Variants in CCDC171 observed in about 807,000 individuals in gnomAD.
The protein encoded by CCDC171 is coiled-coil domain containing 171.
Under a neutral mutation model 168.2 loss-of-function variants are expected in CCDC171, and 177 were observed. That is an observed-to-expected ratio of 1.05 (90% CI 0.93 to 1.19). CCDC171 has a LOEUF of 1.19. Ranked by LOEUF, CCDC171 falls within the 50% of genes most tolerant of loss-of-function variation. The pLI is 0.00. For missense variants in CCDC171, 1,991 were observed against 1,539.0 expected (o/e 1.29, Z -4.91); for synonymous variants, 687 against 540.8 (o/e 1.27, Z -3.75).
At chr9:15,677,421 T>G (rs2049663873) in intron 9 of CCDC171, among the ~76,000 whole-genome samples, 1 of 152,026 alleles carries the variant, frequency 6.6e-6, no homozygotes, top group Non-Finnish European at 1.5e-5. Flanking sequence ...TTGCTCAGAG[T>G]AAGGTCATGT....
At chr9:16,018,667 A>G (rs80028904) in intron 3 of CCDC171, among the ~76,000 whole-genome samples, 4,073 of 152,350 alleles carry the variant, frequency 0.027, 174 homozygotes, top group African/African-American at 0.092. Context: ...AGAATATAAC[A>G]TGAATGGCAC....
At chr9:15,968,251 A>T (rs1305138386) in intron 25 of CCDC171, among the ~76,000 whole-genome samples, 2 of 152,162 alleles carry the variant, frequency 1.3e-5, no homozygotes, top group Admixed American at 6.6e-5. Context: ...CTAAATTTAG[A>T]TTTACATAAG....
chr9:15,718,480 A>G (rs781687586), intron 11 of CCDC171, among the ~76,000 whole-genome samples: 1 of 152,234 alleles, frequency 6.6e-6, no homozygotes, highest in African/African-American at 2.4e-5. Flanking sequence ...TTGAGCAAAC[A>G]TAGGCAGTCG....
intron 25 of CCDC171, among the ~76,000 whole-genome samples, chr9:15,941,624 G>T (rs1827747854): frequency 6.6e-6 from 1 of 151,962 alleles, no homozygotes; most frequent in Non-Finnish European, 1.5e-5. Flanking sequence ...GTTAAGAAGA[G>T]AGAATTGTGA....
intron 2 of CCDC171, among the ~76,000 whole-genome samples, chr9:15,566,884 G>A (rs1220655730): frequency 6.6e-6 from 1 of 152,112 alleles, no homozygotes; most frequent in Non-Finnish European, 1.5e-5. Context: ...TTGCATGTGC[G>A]TAGCCAGTTG....
At position 15,623,471 on chromosome 9, in the gene CCDC171, G is replaced by GCGCGCGCGCGCGCGCA. The variant is rs1554714834; in HGVS notation, c.822+63_822+64insGCGCGCGCGCACGCGC. ...CGTACAAACTTTCACATATGCGCGCGCGCGCACACACACACACACACACAC... is the reference window on the plus strand; with the variant it reads ...CGTACAAACTTTCACATATGCGCGCGCGCGCGCGCGCGCGCACGCGCACACACACACACACACACAC... On this transcript the variant is annotated intron_variant, in intron 7 of 25. Transcript: ENST00000380701. 6 of 505,420 alleles carry GCGCGCGCGCGCGCGCA rather than the reference G, an allele frequency of 1.2e-5. 1 individual carries two copies. Among genetic ancestry groups the GCGCGCGCGCGCGCGCA allele is most frequent in the Non-Finnish European group, 2.0e-5 (6 of 307,362 alleles). 31.3% of individuals were successfully genotyped at this position (505,420 alleles called of 1,614,324 possible). A position where few individuals can be genotyped will look rare whatever the true frequency, so the allele number is the denominator to read the frequency against.
intron 25 of CCDC171, among the ~76,000 whole-genome samples, chr9:15,930,800 A>G (rs536393963): frequency 4.0e-5 from 6 of 151,796 alleles, no homozygotes; most frequent in Non-Finnish European, 5.9e-5. Flanking sequence ...AGCTAAAACT[A>G]TAAAATTCTT....
At chr9:15,629,331 A>G (rs1217087404) in intron 7 of CCDC171, among the ~76,000 whole-genome samples, 1 of 152,230 alleles carries the variant, frequency 6.6e-6, no homozygotes, top group Non-Finnish European at 1.5e-5. Flanking sequence ...GAAGTGCTTA[A>G]AGGAGGTGAT....
At chr9:16,068,462 C>G in the CCDC171 span, among the ~76,000 whole-genome samples, 2 of 152,220 alleles carry the variant, frequency 1.3e-5, no homozygotes, top group Non-Finnish European at 2.9e-5. Flanking sequence ...TGCACACACA[C>G]GTGCTCACTT....
chr9:15,873,650 C>T (rs866903796), intron 23 of CCDC171, among the ~76,000 whole-genome samples: 75 of 152,012 alleles, frequency 4.9e-4, no homozygotes, highest in South Asian at 1.7e-3. Context: ...TAAATGCAAA[C>T]GAAACTATGG....
chr9:16,091,879 T>A, the CCDC171 span, among the ~76,000 whole-genome samples: 3,402 of 152,298 alleles, frequency 0.022, 100 homozygotes, highest in African/African-American at 0.067. Context: ...ATATCTTTTT[T>A]AAAATTACGA....
intron 24 of CCDC171, among the ~76,000 whole-genome samples, chr9:15,910,401 T>G (rs1003561380): frequency 1.3e-5 from 2 of 152,178 alleles, no homozygotes; most frequent in African/African-American, 4.8e-5. Context: ...ATTCCTCGCT[T>G]CTCCATTCTG....
the CCDC171 span, among the ~76,000 whole-genome samples, chr9:16,102,252 T>A: frequency 6.6e-6 from 1 of 152,186 alleles, no homozygotes; most frequent in South Asian, 2.1e-4. Context: ...GTCCGTGTCC[T>A]GGCCTCCTGG....
At chr9:15,997,600 C>T (rs1429635037) in intron 3 of CCDC171, among the ~76,000 whole-genome samples, 1 of 152,126 alleles carries the variant, frequency 6.6e-6, no homozygotes, top group South Asian at 2.1e-4. Context: ...AGACAAACTA[C>T]AGCCCCTGTT....
chr9:15,947,305 A>G (rs933189665), intron 25 of CCDC171, among the ~76,000 whole-genome samples: 2 of 151,976 alleles, frequency 1.3e-5, no homozygotes, highest in African/African-American at 4.8e-5. Context: ...ACATCACTAA[A>G]TACACTTTTA....
rs763829844 is a variant in CCDC171 at position 15,874,603 on chromosome 9, G to T, written c.3540G>T (p.Leu1180=). 15 of 1,606,652 alleles carry T rather than the reference G, an allele frequency of 9.3e-6. No individual in the cohort carries two copies. The South Asian group carries it at 1.6e-4, about 17-fold the overall frequency. ...RNDFTLQLPK[L]HLETFAMEGL... ...ACTTCACCCTACAGCTACCCAAACTGCACCTGGAGACCTTTGCAATGGAGG... is the reference window on the plus strand; with the variant it reads ...ACTTCACCCTACAGCTACCCAAACTTCACCTGGAGACCTTTGCAATGGAGG... The change falls in exon 24 of 26, where the codon CTG becomes CTT. Residue 1180 remains leucine, a synonymous_variant. Coordinates refer to ENST00000380701, the MANE Select transcript of CCDC171 (RefSeq NM_173550.4).
the CCDC171 span, among the ~76,000 whole-genome samples, chr9:16,096,831 C>T: frequency 2.0e-5 from 3 of 152,126 alleles, no homozygotes; most frequent in Non-Finnish European, 4.4e-5. Context: ...TCACTCTGCC[C>T]ACACTTTGTA....
chr9:15,753,894 A>T (rs2055923097), intron 18 of CCDC171, among the ~76,000 whole-genome samples: 1 of 152,184 alleles, frequency 6.6e-6, no homozygotes, highest in Non-Finnish European at 1.5e-5. Context: ...ATATTATTGG[A>T]CTGACACAAA....
At position 16,002,454 on chromosome 9, in the gene CCDC171, A is replaced by G. The variant is rs1401239439; in HGVS notation, n.369-18135A>G. Among the ~76,000 whole-genome samples the G allele has an allele frequency of 2.6e-5, 4 of 152,120 alleles. 1 individual carries two copies. Among genetic ancestry groups the G allele is most frequent in the Non-Finnish European group, 5.9e-5 (4 of 68,028 alleles). On this transcript the variant is annotated intron_variant and non_coding_transcript_variant, in intron 3 of 9. Transcript: ENST00000486641. ...TTAAAAATAGAAAAAAACTTACAGAATAAGGATATAAGAAAGAAAATAGTT... is the reference window on the plus strand; with the variant it reads ...TTAAAAATAGAAAAAAACTTACAGAGTAAGGATATAAGAAAGAAAATAGTT...
Sources: allele counts gnomAD v4.1 joint callset (sites outside exome capture counted in the v4.1 genomes callset), GRCh38; gene constraint gnomAD v4.1.1; transcripts MANE v1.5; gene names NCBI Gene and HGNC (gene_info 2026-07-23, HGNC 2026-07-21).